The following ACTR3C variants were observed in gnomAD, a reference collection of about 807,000 sequenced individuals.
ACTR3C encodes the protein actin related protein 3C, also known as actin-related protein 3C.
In ACTR3C, 18 loss-of-function variants were observed where a neutral mutation model predicts 26.3. The ratio of observed to expected loss-of-function variants is 0.68; its 90% CI spans 0.47 to 1.01. The LOEUF is 1.01. Ranked by LOEUF, ACTR3C falls within the 50% of genes least tolerant of loss-of-function variation. The pLI is 0.00. For missense variants in ACTR3C, 184 were observed against 250.7 expected (o/e 0.73, Z 1.80); for synonymous variants, 55 against 94.5 (o/e 0.58, Z 2.42).
At chr7:150,209,311 A>G in the ACTR3C span, among the ~76,000 whole-genome samples, 1 of 116,922 alleles carries the variant, frequency 8.6e-6, no homozygotes, top group Non-Finnish European at 1.6e-5. Context: ...AGACAGAAAC[A>G]GAGAGAGAGA....
At chr7:150,055,208 T>C in the ACTR3C span, among the ~76,000 whole-genome samples, 1 of 152,266 alleles carries the variant, frequency 6.6e-6, no homozygotes, top group Non-Finnish European at 1.5e-5. Flanking sequence ...GTGGGCCCTG[T>C]CTCAGACCAA....
At chr7:150,041,990 A>C in the ACTR3C span, among the ~76,000 whole-genome samples, 1 of 127,708 alleles carries the variant, frequency 7.8e-6, no homozygotes, top group East Asian at 2.5e-4. Context: ...CTACTTGGAC[A>C]ACTAACACCC....
the ACTR3C span, among the ~76,000 whole-genome samples, chr7:150,014,241 G>A: frequency 6.6e-6 from 1 of 152,172 alleles, no homozygotes; most frequent in Non-Finnish European, 1.5e-5. Flanking sequence ...GGATCACGAG[G>A]TCAGGAGATC....
the ACTR3C span, among the ~76,000 whole-genome samples, chr7:150,127,112 A>G: frequency 6.6e-6 from 1 of 151,392 alleles, no homozygotes; most frequent in East Asian, 2.0e-4. Flanking sequence ...GAGCAATAAG[A>G]GAAGAGACTG....
chr7:150,185,822 C>A, the ACTR3C span, among the ~76,000 whole-genome samples: 4 of 152,090 alleles, frequency 2.6e-5, no homozygotes, highest in African/African-American at 9.7e-5. Context: ...ACAGAAGAAC[C>A]ACAACCAGCT....
chr7:150,180,660 G>C, the ACTR3C span, among the ~76,000 whole-genome samples: 90,746 of 147,584 alleles, frequency 0.61, 29,111 homozygotes, highest in East Asian at 0.83. Context: ...CTACAGGCGC[G>C]CGCCACCACG....
the ACTR3C span, among the ~76,000 whole-genome samples, chr7:150,196,419 T>C: frequency 0.03 from 4,581 of 152,346 alleles, 230 homozygotes; most frequent in African/African-American, 0.1. Flanking sequence ...ACATTTATAT[T>C]CATTTTTATT....
At chr7:150,189,129 T>A in the ACTR3C span, among the ~76,000 whole-genome samples, 1 of 151,292 alleles carries the variant, frequency 6.6e-6, no homozygotes, top group Non-Finnish European at 1.5e-5. Context: ...TACAATGCAT[T>A]TACTAATGTA....
rs201605081 is a variant in ACTR3C at position 150,284,769 on chromosome 7, C to T, written c.548G>A (p.Arg183Gln). ...EVIQNCPIDVRRPLYKMEQIP... is the reference protein window; with the variant it reads ...EVIQNCPIDVQRPLYKMEQIP... The stretch of plus-strand genomic sequence containing the variant: ...AGCTCATACCTTATACAGCGGACGC[C>T]GCACATCGATGGGGCAGTTCTGTAT... The change falls in exon 6 of 8, where the codon CGG becomes CAG. Residue 183 changes from arginine to glutamine, a missense_variant. Physicochemically the swap from Arg to Gln is conservative, Grantham distance 43. Transcript: ENST00000683684. 1.7e-5 allele frequency: 27 copies of T among 1,612,592 alleles called. No homozygotes were observed. The highest frequency in any genetic ancestry group is 8.9e-5 in the East Asian group (4 of 44,852).
At chr7:150,148,280 C>A in the ACTR3C span, among the ~76,000 whole-genome samples, 3 of 151,760 alleles carry the variant, frequency 2.0e-5, no homozygotes, top group Non-Finnish European at 4.4e-5. Context: ...AGTTCGAGAC[C>A]AGCCTTGCCA....
the ACTR3C span, among the ~76,000 whole-genome samples, chr7:149,979,868 G>T: frequency 1.2e-3 from 183 of 149,456 alleles, no homozygotes; most frequent in African/African-American, 4.4e-3. Context: ...GAGGCCTTTT[G>T]GATGCTGGAG....
chr7:150,319,843 C>T (rs1423538480), intron 1 of ACTR3C, among the ~76,000 whole-genome samples: 1 of 152,162 alleles, frequency 6.6e-6, no homozygotes, highest in African/African-American at 2.4e-5. Context: ...TATCTGGAAG[C>T]TCTAGGGGCA....
At chr7:149,992,281 G>A in the ACTR3C span, among the ~76,000 whole-genome samples, 8 of 152,196 alleles carry the variant, frequency 5.3e-5, no homozygotes, top group Admixed American at 5.2e-4. Context: ...ATATGTCATG[G>A]GATCTTTGAA....
chr7:150,258,604 T>C (rs73728105), intron 6 of ACTR3C, among the ~76,000 whole-genome samples: 6,043 of 151,884 alleles, frequency 0.04, 33 homozygotes, highest in African/African-American at 0.14. Flanking sequence ...GTAACCCCCT[T>C]ATTGGGTTTC....
chr7:149,944,825 C>A, the ACTR3C span, among the ~76,000 whole-genome samples: 1 of 151,052 alleles, frequency 6.6e-6, no homozygotes, highest in South Asian at 2.1e-4. Context: ...CTAGGATGCA[C>A]CAAGGCATAA....
At chr7:149,963,052 A>G in the ACTR3C span, among the ~76,000 whole-genome samples, 1 of 152,236 alleles carries the variant, frequency 6.6e-6, no homozygotes, top group Non-Finnish European at 1.5e-5. Flanking sequence ...TGTGGACCTC[A>G]TTAGCAGAGG....
chr7:150,275,153 G>A (rs1030737536), intron 6 of ACTR3C, among the ~76,000 whole-genome samples: 15 of 152,206 alleles, frequency 9.9e-5, no homozygotes, highest in African/African-American at 3.1e-4. Flanking sequence ...AAGCATACAT[G>A]TCCTGGTAAT....
At chr7:149,990,242 C>A in the ACTR3C span, among the ~76,000 whole-genome samples, 1 of 151,468 alleles carries the variant, frequency 6.6e-6, no homozygotes, top group Non-Finnish European at 1.5e-5. Flanking sequence ...CTCCTTCACC[C>A]ACGTGCACCC....
chr7:149,957,655 T>C, the ACTR3C span, among the ~76,000 whole-genome samples: 31 of 152,054 alleles, frequency 2.0e-4, no homozygotes, highest in South Asian at 5.8e-3. Flanking sequence ...GCTTCCAGAG[T>C]TGAACTGAGC....
Sources: gnomAD v4.1 joint callset for allele counts (sites outside exome capture counted in the v4.1 genomes callset) on GRCh38, gnomAD v4.1.1 for gene constraint, MANE v1.5 for transcripts, NCBI Gene and HGNC (gene_info 2026-07-23, HGNC 2026-07-21) for gene names.